ZRANB3: variants seen among roughly 807,000 people sequenced by gnomAD.
The protein encoded by ZRANB3 is zinc finger RANBP2-type containing 3.
A neutral mutation model predicts 133.8 loss-of-function variants in ZRANB3; 125 were observed. The observed-to-expected ratio is 0.93, with a 90% CI of 0.81 to 1.08. ZRANB3 has a LOEUF of 1.08. Ranked by LOEUF, ZRANB3 falls within the 50% of genes least tolerant of loss-of-function variation. ZRANB3 has a pLI of 0.00. For synonymous variants in ZRANB3, 387 were observed against 432.7 expected (o/e 0.89, Z 1.31); for missense variants, 1,229 against 1,275.5 (o/e 0.96, Z 0.56).
chr2:135,370,183 CT>C (rs899628027), intron 3 of ZRANB3, among the ~76,000 whole-genome samples: 3 of 148,332 alleles, frequency 2.0e-5, no homozygotes, highest in Non-Finnish European at 3.0e-5. Context: ...TTTTTTTTAA[CT>C]TTTTTATTTC....
chr2:135,443,205 C>T (rs918655400), intron 2 of ZRANB3, among the ~76,000 whole-genome samples: 3 of 151,712 alleles, frequency 2.0e-5, no homozygotes, highest in Admixed American at 1.3e-4. Context: ...TAAAAAAGGA[C>T]GAGTTCATGT....
intron 6 of ZRANB3, among the ~76,000 whole-genome samples, chr2:135,319,499 CTG>C (rs903738685): frequency 1.3e-5 from 2 of 152,126 alleles, no homozygotes; most frequent in Admixed American, 6.6e-5. Context: ...CTGTCATACT[CTG>C]TGTGTGTACA....
intron 2 of ZRANB3, among the ~76,000 whole-genome samples, chr2:135,437,852 G>A (rs775365586): frequency 6.6e-6 from 1 of 152,178 alleles, no homozygotes; most frequent in Non-Finnish European, 1.5e-5. Flanking sequence ...ATGTCTGTGA[G>A]GATGTTTCCA....
At position 135,257,114 on chromosome 2, in the gene ZRANB3, A is replaced by C. The variant is rs538771320; in HGVS notation, c.1539+8420T>G. On this transcript the variant is annotated intron_variant, in intron 12 of 20. Transcript: ENST00000264159. ...TCTACCCCTTGTTTCACATATAATC[A>C]AGGAATAACCATAAGCATACTCAGT... 2.2e-4 allele frequency among the ~76,000 whole-genome samples: 33 copies of C among 152,284 alleles called. No individual in the cohort carries two copies. The South Asian group carries it at 5.8e-3, about 27-fold the overall frequency.
intron 2 of ZRANB3, among the ~76,000 whole-genome samples, chr2:135,494,087 G>C (rs766179910): frequency 3.7e-4 from 54 of 146,000 alleles, no homozygotes; most frequent in Non-Finnish European, 4.5e-4. Flanking sequence ...AAGATGAATG[G>C]ATGGATAGAA....
chr2:135,384,689 A>G (rs1291248977), intron 3 of ZRANB3, among the ~76,000 whole-genome samples: 1 of 152,004 alleles, frequency 6.6e-6, no homozygotes. Context: ...CTGGTTCAAC[A>G]TATGCAAATC....
intron 6 of ZRANB3, among the ~76,000 whole-genome samples, chr2:135,325,335 C>A (rs1397660604): frequency 2.0e-5 from 3 of 152,040 alleles, no homozygotes; most frequent in Non-Finnish European, 4.4e-5. Flanking sequence ...TTTATCCTGC[C>A]TTTCTTAAGC....
At chr2:135,514,028 G>A (rs1318374678) in intron 1 of ZRANB3, among the ~76,000 whole-genome samples, 2 of 152,172 alleles carry the variant, frequency 1.3e-5, no homozygotes, top group African/African-American at 4.8e-5. Context: ...ATGCTGCTTT[G>A]GTTACTGTAG....
At chr2:135,496,097 G>A (rs970745709) in intron 2 of ZRANB3, among the ~76,000 whole-genome samples, 1 of 152,014 alleles carries the variant, frequency 6.6e-6, no homozygotes, top group Non-Finnish European at 1.5e-5. Flanking sequence ...AATTTCCACA[G>A]ACTGGCCAGG....
intron 2 of ZRANB3, among the ~76,000 whole-genome samples, chr2:135,427,208 C>T (rs543870126): frequency 1.3e-5 from 2 of 151,662 alleles, no homozygotes; most frequent in East Asian, 3.9e-4. Flanking sequence ...TAGAAGTCCT[C>T]GCCAGAGAAA....
At position 135,208,853 on chromosome 2, in the gene ZRANB3, G is replaced by A. The variant is rs1253667764; in HGVS notation, c.2606+15C>T. On this transcript the variant is annotated intron_variant, in intron 18 of 20. Coordinates refer to ENST00000264159, the MANE Select transcript of ZRANB3 (RefSeq NM_032143.4). Reference sequence around the variant, plus strand: ...GAATTAGTACTACTATATACTAGTAGTAGAAAAACCTTACTTTGTGAAAGG... The same window carrying A: ...GAATTAGTACTACTATATACTAGTAATAGAAAAACCTTACTTTGTGAAAGG... 1.2e-6 allele frequency: 2 copies of A among 1,603,586 alleles called. No individual in the cohort carries two copies. The highest frequency in any genetic ancestry group is 4.5e-5 in the East Asian group (2 of 44,832).
At position 135,228,004 on chromosome 2, in the gene ZRANB3, C is replaced by A. The variant is rs1322573006; in HGVS notation, c.1966G>T (p.Asp656Tyr). 1 of 1,537,310 alleles carries A rather than the reference C, an allele frequency of 6.5e-7. No individual in the cohort carries two copies. Among genetic ancestry groups the A allele is most frequent in the East Asian group, 2.5e-5 (1 of 40,680 alleles). ...TPQGSAVMQI[D>Y]SLNHIQDKNE... ...TTATCCTGGATATGGTTGAGGCTAT[C>A]TATTTGCATAACTATTAAAATAAAA... The change falls in exon 14 of 21, where the codon GAT becomes TAT. Residue 656 changes from aspartate to tyrosine, a missense_variant. Physicochemically the swap from Asp to Tyr is radical, Grantham distance 160. Coordinates refer to ENST00000264159, the MANE Select transcript of ZRANB3 (RefSeq NM_032143.4).
chr2:135,239,706 G>A lies in ZRANB3; in HGVS notation c.1540-8779C>T, dbSNP rs996893569. Among the ~76,000 whole-genome samples the A allele has an allele frequency of 5.3e-5, 8 of 152,190 alleles. No individual in the cohort carries two copies. In the East Asian group the frequency reaches 1.2e-3, roughly 22 times the overall value. On this transcript the variant is annotated intron_variant, in intron 12 of 20. Transcript: ENST00000264159. Reference sequence around the variant, plus strand: ...GCGTGAGGGAAATTAAAGAAAGAGCGGGCCAGGCATGGTGGCTCATGCTTG... The same window carrying A: ...GCGTGAGGGAAATTAAAGAAAGAGCAGGCCAGGCATGGTGGCTCATGCTTG...
rs560415244 is a variant in ZRANB3, at chr2:135,484,478, T to C, written c.161+19851A>G. Among the ~76,000 whole-genome samples the C allele has an allele frequency of 5.3e-5, 8 of 152,182 alleles. No homozygotes were observed. In the South Asian group the frequency reaches 1.0e-3, roughly 20 times the overall value. ...TTTTTAACCATGTATATTCACAATATACATATCCAGAAATAAATACATGAC... is the reference window on the plus strand; with the variant it reads ...TTTTTAACCATGTATATTCACAATACACATATCCAGAAATAAATACATGAC... On this transcript the variant is annotated intron_variant, in intron 2 of 20. Coordinates refer to ENST00000264159, the MANE Select transcript of ZRANB3 (RefSeq NM_032143.4).
chr2:135,207,770 A>G lies in ZRANB3; in HGVS notation c.2673T>C (p.Thr891=), dbSNP rs1185491158. Residue 891 remains threonine (T), a synonymous_variant, in exon 19 of 21, where the codon ACT becomes ACC. Coordinates refer to ENST00000264159, the MANE Select transcript of ZRANB3 (RefSeq NM_032143.4). The part of the protein sequence containing the change: ...LNPYTVQADL[T]VKPSTSKGYL... Reference sequence around the variant, plus strand: ...AGCCTTTGGATGTAGAGGGCTTCACAGTGAGATCTGCCTGGACTGTGTATG... The same window carrying G: ...AGCCTTTGGATGTAGAGGGCTTCACGGTGAGATCTGCCTGGACTGTGTATG... The G allele has an allele frequency of 4.3e-6, 7 of 1,613,974 alleles. No individual in the cohort carries two copies. The highest frequency in any genetic ancestry group is 1.6e-4 in the Middle Eastern group (1 of 6,062).
chr2:135,390,869 C>CTTT, intron 2 of ZRANB3, 49 bp from the exon 3 acceptor site: 1 of 1,164,558 alleles, frequency 8.6e-7, no homozygotes, highest in Non-Finnish European at 1.1e-6. Context: ...AACCTTTTTC[C>CTTT]TTTTTTTTTT....
intron 2 of ZRANB3, among the ~76,000 whole-genome samples, chr2:135,432,689 C>G (rs1274729398): frequency 2.0e-5 from 3 of 152,194 alleles, no homozygotes; most frequent in African/African-American, 7.2e-5. Flanking sequence ...TTCCCCTCCT[C>G]TAGGCTTCAG....
chr2:135,361,218 G>C (rs1022846660), intron 3 of ZRANB3, among the ~76,000 whole-genome samples: 1 of 152,190 alleles, frequency 6.6e-6, no homozygotes, highest in South Asian at 2.1e-4. Flanking sequence ...AACAACAATA[G>C]AATTTGTTAA....
At chr2:135,453,957 A>G (rs1019634661) in intron 2 of ZRANB3, among the ~76,000 whole-genome samples, 16 of 152,250 alleles carry the variant, frequency 1.1e-4, no homozygotes, top group South Asian at 2.1e-4. Context: ...GAAACTGGGA[A>G]CAAAAAGAGG....
Sources: allele counts gnomAD v4.1 joint callset (sites outside exome capture counted in the v4.1 genomes callset), GRCh38; gene constraint gnomAD v4.1.1; transcripts MANE v1.5; gene names NCBI Gene and HGNC (gene_info 2026-07-23, HGNC 2026-07-21).